The following CFAP52 variants were observed in gnomAD, a reference collection of about 807,000 sequenced individuals.
CFAP52 encodes cilia- and flagella-associated protein 52.
CFAP52 carries 57 observed loss-of-function variants against 70.5 expected under a neutral mutation model. The observed-to-expected ratio is 0.81, with a 90% confidence interval of 0.65 to 1.01. The LOEUF (loss-of-function observed/expected upper bound fraction) is 1.01. Ranked by LOEUF, CFAP52 falls within the 50% of genes least tolerant of loss-of-function variation. The pLI, the probability that CFAP52 is intolerant of heterozygous loss-of-function variation, is 0.00. For missense variants in CFAP52, 785 were observed against 788.5 expected (o/e 1.00, Z 0.05); for synonymous variants, 267 against 292.5 (o/e 0.91, Z 0.89).
At chr17:9,581,083 C>T (rs1313565556) in intron 1 of CFAP52, among the ~76,000 whole-genome samples, 1 of 152,138 alleles carries the variant, frequency 6.6e-6, no homozygotes, top group Non-Finnish European at 1.5e-5. Flanking sequence ...TTGGAAGGCC[C>T]AGGCGGGTGG....
chr17:9,585,297 GA>G (rs1340368265), intron 1 of CFAP52, among the ~76,000 whole-genome samples: 2 of 152,136 alleles, frequency 1.3e-5, no homozygotes, highest in Non-Finnish European at 2.9e-5. Flanking sequence ...TTTAAGATGT[GA>G]TTACTAGATG....
chr17:9,629,474 C>CCTTT lies in CFAP52; in HGVS notation c.1174+675_1174+678dup, dbSNP rs71995451. The stretch of plus-strand genomic sequence containing the variant: ...ATCTCGCCCCTCTTTTCTTTCTTTC[C>CCTTT]CTTTCTTTCTTTCTTTCTTTCTTTT... On this transcript the variant is annotated intron_variant, in intron 9 of 13. Coordinates refer to ENST00000352665, the MANE Select transcript of CFAP52 (RefSeq NM_145054.5). Among the ~76,000 whole-genome samples, 1,399 of 148,838 alleles carry CCTTT rather than the reference C, an allele frequency of 9.4e-3. 5 individuals carry two copies. The highest frequency in any genetic ancestry group is 0.014 in the Non-Finnish European group (974 of 67,676).
intron 6 of CFAP52, among the ~76,000 whole-genome samples, chr17:9,601,749 A>T (rs1378427749): frequency 6.6e-6 from 1 of 152,244 alleles, no homozygotes; most frequent in African/African-American, 2.4e-5. Flanking sequence ...ATAATTTTAT[A>T]TAACAAATGC....
At chr17:9,636,179 A>AAAAGAAAGAAAGAAAAGAAAG (rs1910773276) in intron 11 of CFAP52, among the ~76,000 whole-genome samples, 8 of 99,122 alleles carry the variant, frequency 8.1e-5, no homozygotes, top group South Asian at 3.5e-4. Flanking sequence ...TGTCTCAAAA[A>AAAAGAAAGAAAGAAAAGAAAG]AAAGAAAGAA....
intron 6 of CFAP52, among the ~76,000 whole-genome samples, chr17:9,602,284 C>A (rs192731182): frequency 4.1e-4 from 63 of 152,254 alleles, no homozygotes; most frequent in Non-Finnish European, 7.1e-4. Context: ...CTAGCCCCCA[C>A]CCCTGACAGG....
At chr17:9,586,901 A>T in intron 3 of CFAP52, 67 bp downstream of exon 3, 1 of 1,484,190 alleles carries the variant, frequency 6.7e-7, no homozygotes, top group African/African-American at 1.4e-5. Context: ...GTTCAGACGT[A>T]CATGTGCAGG....
intron 3 of CFAP52, among the ~76,000 whole-genome samples, chr17:9,588,892 C>A (rs1273322890): frequency 1.3e-5 from 2 of 151,124 alleles, no homozygotes; most frequent in Non-Finnish European, 2.9e-5. Context: ...CACCTGAGGT[C>A]AGGAGTTTGA....
At chr17:9,642,995 A>G in intron 13 of CFAP52, 28 bp from the exon 14 acceptor site, 1 of 1,539,846 alleles carries the variant, frequency 6.5e-7, no homozygotes, top group African/African-American at 1.4e-5. Flanking sequence ...TATTGCAGCA[A>G]TGCCATATAC....
In CFAP52 at chr17:9,584,228, A is replaced by G. The variant is rs1452598401; in HGVS notation, c.71-1545A>G. The G allele has an allele frequency of 2.4e-6, 3 of 1,265,294 alleles. No homozygotes were observed. The East Asian group carries it at 1.7e-4, about 72-fold the overall frequency. 78.4% of individuals were successfully genotyped at this position (1,265,294 alleles called of 1,614,324 possible). A position where few individuals can be genotyped will look rare whatever the true frequency, so the allele number is the denominator to read the frequency against. On this transcript the variant is annotated intron_variant, in intron 1 of 13. Transcript: ENST00000352665. ...TTTTAGTGAATAAACTACCAACTCA[A>G]GCAAAACAATAATTACATTCAAGCA...
chr17:9,643,140 TTGTTAG>T lies in CFAP52; in HGVS notation c.1809_1814del (p.Val605_Ser606del). The T allele has an allele frequency of 6.2e-7, 1 of 1,613,522 alleles. No individual in the cohort carries two copies. The highest frequency in any genetic ancestry group is 1.6e-4 in the Middle Eastern group (1 of 6,062). ...CGCATAAGTCCAGGAAATCAATATA[TTGTTAG>T]TGTAAGTGCCGATGGAGCCATTTTG... is the stretch of plus-strand genomic sequence containing the variant. On this transcript the variant is annotated inframe_deletion, in exon 14 of 14. Transcript: ENST00000352665.
intron 9 of CFAP52, among the ~76,000 whole-genome samples, chr17:9,632,609 G>T (rs1910601507): frequency 6.7e-6 from 1 of 150,062 alleles, no homozygotes; most frequent in Non-Finnish European, 1.5e-5. Flanking sequence ...CAGTAAAGCT[G>T]GTGGAAATTG....
Position 9,641,816 on chromosome 17 carries a change from A to T in CFAP52, c.1668A>T (p.Glu556Asp). Residue 556 changes from glutamate (E) to aspartate (D), a missense_variant, in exon 13 of 14, where the codon GAA becomes GAT. Physicochemically the swap from Glu to Asp is conservative, Grantham distance 45. Coordinates refer to ENST00000352665, the MANE Select transcript of CFAP52 (RefSeq NM_145054.5). ...GSINGMDITQ[E>D]GVHFVTGGND... is the part of the protein sequence containing the mutation. ...TAAATGGCATGGATATCACACAGGA[A>T]GGGGTGCACTTTGTCACAGGTTAGT... 6.2e-7 allele frequency: 1 copy of T among 1,613,792 alleles called. No individual in the cohort carries two copies. Among genetic ancestry groups the T allele is most frequent in the Non-Finnish European group, 8.5e-7 (1 of 1,179,718 alleles).
chr17:9,631,044 G>GAAAGAAAGAAAGAA lies in CFAP52; in HGVS notation c.1175-1843_1175-1842insAAGAAAGAAAGAAA, dbSNP rs1294915894. On this transcript the variant is annotated intron_variant, in intron 9 of 13. Transcript: ENST00000352665. ...AAAGAAAGAAAGAGAGAGAGAGAGA[G>GAAAGAAAGAAAGAA]AGAGAGAGAGAAAGAAAGAAAGAAA... Among the ~76,000 whole-genome samples, 150 of 21,170 alleles carry GAAAGAAAGAAAGAA rather than the reference G, an allele frequency of 7.1e-3. 7 individuals are homozygous for GAAAGAAAGAAAGAA. Among genetic ancestry groups the GAAAGAAAGAAAGAA allele is most frequent in the East Asian group, 0.022 (13 of 586 alleles). 13.9% of individuals were successfully genotyped at this position (21,170 alleles called of 152,430 possible).
At chr17:9,609,256 T>A (rs547314501) in intron 7 of CFAP52, among the ~76,000 whole-genome samples, 2 of 152,096 alleles carry the variant, frequency 1.3e-5, no homozygotes, top group African/African-American at 4.8e-5. Context: ...AAAATCCCTG[T>A]CCTCATGGAG....
chr17:9,582,318 T>A (rs959403264), intron 1 of CFAP52, among the ~76,000 whole-genome samples: 2 of 152,184 alleles, frequency 1.3e-5, no homozygotes, highest in African/African-American at 4.8e-5. Flanking sequence ...AGATGCCTGG[T>A]ACTGTCAGCC....
At chr17:9,581,540 G>A (rs1259918309) in intron 1 of CFAP52, among the ~76,000 whole-genome samples, 14 of 151,966 alleles carry the variant, frequency 9.2e-5, no homozygotes. Flanking sequence ...GGGATAGAGA[G>A]AGAGGAGAGG....
At chr17:9,586,479 G>A (rs1306744705) in intron 2 of CFAP52, among the ~76,000 whole-genome samples, 3 of 151,170 alleles carry the variant, frequency 2.0e-5, no homozygotes, top group Non-Finnish European at 4.4e-5. Context: ...AGGGAGAAGT[G>A]CTTGAACCCA....
chr17:9,586,798 T>G lies in CFAP52; in HGVS notation c.371T>G (p.Leu124Trp), dbSNP rs1292742649. The change falls in exon 3 of 14, where the codon TTG becomes TGG. Residue 124 changes from leucine to tryptophan, a missense_variant. By Grantham distance (61) the Leu-to-Trp change is moderately conservative (BLOSUM62 -2). Coordinates refer to ENST00000352665, the MANE Select transcript of CFAP52 (RefSeq NM_145054.5). ...GCTCTGGCCTTTTCTCCAAATGATT[T>G]GTACTTGGTATCACTAGGAGGCCCA... ...IEALAFSPND[L>W]YLVSLGGPDD... The G allele has an allele frequency of 6.2e-7, 1 of 1,613,294 alleles. No individual in the cohort carries two copies.
chr17:9,643,070 G>T lies in CFAP52; in HGVS notation c.1735G>T (p.Val579Leu). The T allele has an allele frequency of 6.2e-7, 1 of 1,611,784 alleles. No homozygotes were observed. Residue 579 changes from valine to leucine, a missense_variant, in exon 14 of 14, where the codon GTG (valine) becomes TTG (leucine). Transcript: ENST00000352665. ...AGTTTGGGATTATAATGAGGGTGAA[G>T]TGACTCACGTTGGGGTGGGACACAG... ...VKVWDYNEGE[V>L]THVGVGHSGN...
Sources: allele counts gnomAD v4.1 joint callset (sites outside exome capture counted in the v4.1 genomes callset), GRCh38; gene constraint gnomAD v4.1.1; transcripts MANE v1.5; gene names NCBI Gene and HGNC (gene_info 2026-07-23, HGNC 2026-07-21).